Variants in SAMD4A observed in about 807,000 individuals in gnomAD.
SAMD4A encodes protein Smaug homolog 1.
A neutral mutation model predicts 81.3 loss-of-function variants in SAMD4A; 33 were observed. The ratio of observed to expected loss-of-function variants is 0.41; its 90% CI spans 0.31 to 0.54. The LOEUF is 0.54. SAMD4A is among the 20% of genes least tolerant of loss of function. The probability of loss-of-function intolerance (pLI) is 0.37; values close to 1 mark genes in which losing one functional copy is unlikely to be tolerated. For missense variants in SAMD4A, 854 were observed against 951.1 expected (o/e 0.90, Z 1.34); for synonymous variants, 389 against 382.1 (o/e 1.02, Z -0.21).
At chr14:54,650,295 T>C (rs1016180403) in intron 2 of SAMD4A, among the ~76,000 whole-genome samples, 1 of 152,260 alleles carries the variant, frequency 6.6e-6, no homozygotes, top group East Asian at 1.9e-4. Context: ...GAGTAACCAA[T>C]AGTTGCTTAA....
Position 54,792,332 on chromosome 14 carries a change from G to A in SAMD4A, c.*3388G>A, listed in dbSNP as rs1482868391. 7 of 152,174 alleles carry A rather than the reference G, an allele frequency of 4.6e-5. No homozygotes were observed. The highest frequency in any genetic ancestry group is 4.6e-4 in the Admixed American group (7 of 15,278). The allele number at this position is 152,174 out of a possible 1,614,324, so 9.4% of individuals were successfully genotyped here. On this transcript the variant is annotated 3_prime_UTR_variant, in exon 13 of 13. Transcript: ENST00000554335. ...GGGCCCCCCTCTCTCCCATTCGTTT[G>A]AAGAGACACTGAGGGAAACAAGGGT...
chr14:54,695,662 G>A (rs935995447), intron 2 of SAMD4A, among the ~76,000 whole-genome samples: 4 of 152,142 alleles, frequency 2.6e-5, no homozygotes, highest in Non-Finnish European at 5.9e-5. Flanking sequence ...TGAAAATAGG[G>A]GGAGGGTTAG....
intron 2 of SAMD4A, among the ~76,000 whole-genome samples, chr14:54,655,016 G>A (rs2035487381): frequency 1.3e-5 from 2 of 152,170 alleles, no homozygotes; most frequent in African/African-American, 4.8e-5. Flanking sequence ...AAGGGACACC[G>A]CTCTTCCTTG....
At chr14:54,655,051 C>T (rs1220642556) in intron 2 of SAMD4A, among the ~76,000 whole-genome samples, 2 of 152,216 alleles carry the variant, frequency 1.3e-5, no homozygotes, top group Non-Finnish European at 2.9e-5. Context: ...AGACTAGGAT[C>T]TTAGCCTCAG....
chr14:54,742,552 C>G (rs1450237342), intron 4 of SAMD4A, among the ~76,000 whole-genome samples: 2 of 152,180 alleles, frequency 1.3e-5, no homozygotes, highest in Non-Finnish European at 2.9e-5. Flanking sequence ...TTCCAGATAG[C>G]TGGGTAGAAA....
intron 2 of SAMD4A, among the ~76,000 whole-genome samples, chr14:54,578,485 C>A (rs531231762): frequency 6.6e-6 from 1 of 151,568 alleles, no homozygotes; most frequent in African/African-American, 2.4e-5. Context: ...CTGAAGCGGG[C>A]GGATCACTTG....
chr14:54,761,790 TC>T, intron 7 of SAMD4A, among the ~76,000 whole-genome samples: 1 of 152,208 alleles, frequency 6.6e-6, no homozygotes, highest in Non-Finnish European at 1.5e-5. Flanking sequence ...CCTCACATGC[TC>T]CAGGAAGCCT....
chr14:54,692,702 T>C (rs1349524733), intron 2 of SAMD4A, among the ~76,000 whole-genome samples: 1 of 152,154 alleles, frequency 6.6e-6, no homozygotes, highest in Non-Finnish European at 1.5e-5. Context: ...TTCCTGTGTT[T>C]AGAACACTTC....
chr14:54,568,222 A>G, intron 2 of SAMD4A, 110 bp downstream of exon 2: 2 of 1,047,838 alleles, frequency 1.9e-6, no homozygotes, highest in Non-Finnish European at 2.5e-6. Flanking sequence ...CCGCGCCGGG[A>G]CCTGGACGGC....
chr14:54,605,432 G>A (rs2034172526), intron 2 of SAMD4A, among the ~76,000 whole-genome samples: 2 of 152,320 alleles, frequency 1.3e-5, no homozygotes, highest in African/African-American at 2.4e-5. Context: ...AAGTTCCAAA[G>A]AGCCAAGATT....
At chr14:54,684,617 C>CG (rs1555342987) in intron 2 of SAMD4A, among the ~76,000 whole-genome samples, 1 of 134,286 alleles carries the variant, frequency 7.4e-6, no homozygotes, top group African/African-American at 2.8e-5. Flanking sequence ...CCCCCGCCCC[C>CG]CCCCCCAACC....
chr14:54,649,610 A>T (rs28539349), intron 2 of SAMD4A, among the ~76,000 whole-genome samples: 2,056 of 152,284 alleles, frequency 0.014, 24 homozygotes, highest in East Asian at 0.046. Flanking sequence ...TCGCAAGTCA[A>T]TTGGTGCCTG....
intron 2 of SAMD4A, among the ~76,000 whole-genome samples, chr14:54,613,546 T>C (rs1004706842): frequency 6.6e-6 from 1 of 152,214 alleles, no homozygotes; most frequent in Non-Finnish European, 1.5e-5. Context: ...GCAACCTCTA[T>C]TCCAAAACTC....
At chr14:54,615,384 A>G (rs2034465831) in intron 2 of SAMD4A, among the ~76,000 whole-genome samples, 3 of 152,256 alleles carry the variant, frequency 2.0e-5, no homozygotes, top group Admixed American at 2.0e-4. Flanking sequence ...CAATGTTTAC[A>G]TGAACCACGT....
chr14:54,569,285 G>C (rs961995710), intron 2 of SAMD4A, among the ~76,000 whole-genome samples: 2 of 152,138 alleles, frequency 1.3e-5, no homozygotes, highest in African/African-American at 2.4e-5. Context: ...AGCAAGAAGC[G>C]AGCCGGCCTA....
rs370482381 is a variant in SAMD4A, at chr14:54,790,672, TTGTGTGTGTGTGTGTGTGTGTGTG to T, written c.*1741_*1764del. On this transcript the variant is annotated 3_prime_UTR_variant, in exon 13 of 13. Coordinates refer to ENST00000554335, the MANE Select transcript of SAMD4A (RefSeq NM_015589.6). ...TTACATGGATGAGTCGGGTGCCTGGTTGTGTGTGTGTGTGTGTGTGTGTGTGTGTGTGTGTGAAGTCAGAGTTGA... is the reference window on the plus strand; with the variant it reads ...TTACATGGATGAGTCGGGTGCCTGGTTGTGTGTGTGTGAAGTCAGAGTTGA... The T allele has an allele frequency of 1.4e-5, 2 of 141,930 alleles. No individual in the cohort carries two copies. The highest frequency in any genetic ancestry group is 3.1e-5 in the Non-Finnish European group (2 of 64,154). The allele number at this position is 141,930 out of a possible 1,614,324, so 8.8% of individuals were successfully genotyped here. A position where few individuals can be genotyped will look rare whatever the true frequency, so the allele number is the denominator to read the frequency against.
chr14:54,675,804 T>C (rs1278573771), intron 2 of SAMD4A, among the ~76,000 whole-genome samples: 10 of 141,932 alleles, frequency 7.0e-5, no homozygotes, highest in Admixed American at 4.7e-4. Context: ...TTTAATACTC[T>C]GTGGTTATGG....
At chr14:54,613,827 T>C (rs917665254) in intron 2 of SAMD4A, among the ~76,000 whole-genome samples, 6 of 152,250 alleles carry the variant, frequency 3.9e-5, no homozygotes, top group African/African-American at 1.4e-4. Flanking sequence ...TCAGAGGATC[T>C]GCAAGGTCAA....
rs59380334 is a variant in SAMD4A, at chr14:54,717,884, G to GTTTT, written c.715+15318_715+15321dup. Reference sequence around the variant, plus strand: ...TTGCAAGCAAATATGTTGCTTGAAGGTTTTTTTTTTTTTTTTTGCTCAATC... The same window carrying GTTTT: ...TTGCAAGCAAATATGTTGCTTGAAGGTTTTTTTTTTTTTTTTTTTTTGCTCAATC... On this transcript the variant is annotated intron_variant, in intron 3 of 12. Coordinates refer to ENST00000554335, the MANE Select transcript of SAMD4A (RefSeq NM_015589.6). 3.0e-5 allele frequency among the ~76,000 whole-genome samples: 4 copies of GTTTT among 131,232 alleles called. 1 individual carries two copies. The highest frequency in any genetic ancestry group is 2.5e-4 in the South Asian group (1 of 3,964). The allele number at this position is 131,232 out of a possible 152,430, so 86.1% of individuals were successfully genotyped here.
Sources: gnomAD v4.1 joint callset for allele counts (sites outside exome capture counted in the v4.1 genomes callset) on GRCh38, gnomAD v4.1.1 for gene constraint, MANE v1.5 for transcripts, NCBI Gene and HGNC (gene_info 2026-07-23, HGNC 2026-07-21) for gene names.